USP6NL: variants seen among roughly 807,000 people sequenced by gnomAD.
USP6NL encodes USP6 N-terminal like.
USP6NL carries 26 observed loss-of-function variants against 61.9 expected under a neutral mutation model. That is an observed-to-expected ratio of 0.42 (90% CI 0.31 to 0.58). USP6NL has a LOEUF of 0.58. Ranked by LOEUF, USP6NL falls within the 20% of genes least tolerant of loss-of-function variation. The pLI, the probability that USP6NL is intolerant of heterozygous loss-of-function variation, is 0.16. For synonymous variants in USP6NL, 432 were observed against 390.1 expected (o/e 1.11, Z -1.27); for missense variants, 1,114 against 1,034.3 (o/e 1.08, Z -1.06).
intron 2 of USP6NL, among the ~76,000 whole-genome samples, chr10:11,547,730 C>T (rs763556799): frequency 6.6e-6 from 1 of 151,882 alleles, no homozygotes; most frequent in Non-Finnish European, 1.5e-5. Context: ...TTAGTAGAGA[C>T]GGGGTGTCAC....
intron 14 of USP6NL, among the ~76,000 whole-genome samples, chr10:11,464,670 C>A (rs1832370090): frequency 6.6e-6 from 1 of 152,194 alleles, no homozygotes; most frequent in African/African-American, 2.4e-5. Flanking sequence ...TGTGAAAGAG[C>A]AAGCAGCGCA....
In USP6NL at chr10:11,596,426, CCTGA is replaced by C. The variant is rs538289916; in HGVS notation, c.4+1201_4+1204del. 1.3e-3 allele frequency among the ~76,000 whole-genome samples: 195 copies of C among 152,076 alleles called. No individual in the cohort carries two copies. Among genetic ancestry groups the C allele is most frequent in the African/African-American group, 4.2e-3 (174 of 41,476 alleles). Reference sequence around the variant, plus strand: ...CACAAGGTCAGGAGATCGAGACCATCCTGACTAACACGGTGAAACCCCGTCTCTA... The same window carrying C: ...CACAAGGTCAGGAGATCGAGACCATCCTAACACGGTGAAACCCCGTCTCTA... On this transcript the variant is annotated intron_variant, in intron 2 of 14. Transcript: ENST00000609104. The surrounding 1 kb of genome is among the most constrained non-coding windows in gnomAD (Gnocchi z 4.1).
At chr10:11,573,202 C>G (rs1460205779) in intron 2 of USP6NL, among the ~76,000 whole-genome samples, 1 of 152,028 alleles carries the variant, frequency 6.6e-6, no homozygotes, top group Non-Finnish European at 1.5e-5. Context: ...TATGTTCTAC[C>G]ACAGGCAGAA....
At chr10:11,479,384 A>G (rs1478923951) in intron 14 of USP6NL, among the ~76,000 whole-genome samples, 2 of 152,208 alleles carry the variant, frequency 1.3e-5, no homozygotes, top group Non-Finnish European at 2.9e-5. Flanking sequence ...AAAGATACTC[A>G]AAGAACTACC....
chr10:11,529,864 C>T (rs1307816655), intron 2 of USP6NL, among the ~76,000 whole-genome samples: 1 of 151,936 alleles, frequency 6.6e-6, no homozygotes, highest in African/African-American at 2.4e-5. Flanking sequence ...CTCCTGTAAT[C>T]CCATGGCAGG....
chr10:11,466,237 G>A (rs1832447013), intron 14 of USP6NL, among the ~76,000 whole-genome samples: 1 of 152,152 alleles, frequency 6.6e-6, no homozygotes, highest in African/African-American at 2.4e-5. Flanking sequence ...TTTAAGTGTG[G>A]TAACCCAGAA....
chr10:11,501,648 G>T lies in USP6NL; in HGVS notation c.277-440C>A, dbSNP rs539550226. On this transcript the variant is annotated intron_variant, in intron 6 of 14. Coordinates refer to ENST00000609104, the MANE Select transcript of USP6NL (RefSeq NM_014688.5). Reference sequence around the variant, plus strand: ...GCCTTGTCCCCAAAATATCCTCATGGATTGTAGAGTGCTGACTCCTAATCT... The same window carrying T: ...GCCTTGTCCCCAAAATATCCTCATGTATTGTAGAGTGCTGACTCCTAATCT... 9.9e-4 allele frequency among the ~76,000 whole-genome samples: 151 copies of T among 152,230 alleles called. 2 individuals are homozygous for T. The highest frequency in any genetic ancestry group is 3.4e-3 in the African/African-American group (142 of 41,550).
intron 1 of USP6NL, among the ~76,000 whole-genome samples, chr10:11,605,820 A>C (rs868241687): frequency 1.8e-4 from 27 of 152,348 alleles, no homozygotes; most frequent in African/African-American, 6.3e-4. Context: ...AATATTCAAA[A>C]CAAAAAAGAT....
In USP6NL at chr10:11,461,033, AC is replaced by A. The variant is rs1489350330; in HGVS notation, c.*1407del. ...ACGTTACTTCCATTTTAAAAGACAT[AC>A]TTTTGTACCTTGAAAGTTTAAAGCC... On this transcript the variant is annotated 3_prime_UTR_variant, in exon 15 of 15. Transcript: ENST00000609104. The A allele has an allele frequency of 6.6e-6, 1 of 152,324 alleles. No individual in the cohort carries two copies. Among genetic ancestry groups the A allele is most frequent in the East Asian group, 1.9e-4 (1 of 5,202 alleles). The allele number at this position is 152,324 out of a possible 1,614,324, so 9.4% of individuals were successfully genotyped here. A position where few individuals can be genotyped will look rare whatever the true frequency, so the allele number is the denominator to read the frequency against.
At position 11,476,420 on chromosome 10, in the gene USP6NL, A is replaced by C. The variant is rs945294110; in HGVS notation, c.1078+5350T>G. Among the ~76,000 whole-genome samples the C allele has an allele frequency of 1.3e-5, 2 of 152,214 alleles. No homozygotes were observed. Among genetic ancestry groups the C allele is most frequent in the African/African-American group, 4.8e-5 (2 of 41,450 alleles). ...GCTGGGCAATGGGTACCTGGGAGGAAGTCATTATACATTTCCTTACTTCTG... is the reference window on the plus strand; with the variant it reads ...GCTGGGCAATGGGTACCTGGGAGGACGTCATTATACATTTCCTTACTTCTG... On this transcript the variant is annotated intron_variant, in intron 14 of 14. Transcript: ENST00000609104. The surrounding 1 kb of genome is among the most constrained non-coding windows in gnomAD (Gnocchi z 4.3).
In USP6NL at chr10:11,485,331, G is replaced by C; in HGVS notation, c.760-97C>G. The C allele has an allele frequency of 1.1e-6, 1 of 928,792 alleles. No homozygotes were observed. Among genetic ancestry groups the C allele is most frequent in the Non-Finnish European group, 1.6e-6 (1 of 632,490 alleles). 57.5% of individuals were successfully genotyped at this position (928,792 alleles called of 1,614,324 possible). A position where few individuals can be genotyped will look rare whatever the true frequency, so the allele number is the denominator to read the frequency against. The stretch of plus-strand genomic sequence containing the variant: ...AAGGCTGTTGGATGCAGCTATCAAA[G>C]CTAAACACATTTACTTCTCAAAATC... On this transcript the variant is annotated intron_variant, in intron 11 of 14. Transcript: ENST00000609104. The surrounding 1 kb of genome is among the most constrained non-coding windows in gnomAD (Gnocchi z 4.8).
At chr10:11,578,295 T>C (rs576379641) in intron 2 of USP6NL, among the ~76,000 whole-genome samples, 18 of 152,312 alleles carry the variant, frequency 1.2e-4, no homozygotes, top group Admixed American at 3.3e-4. Context: ...AACAATTCAT[T>C]TCCTCCTTCC....
intron 13 of USP6NL, among the ~76,000 whole-genome samples, chr10:11,484,069 A>G (rs144001071): frequency 6.6e-6 from 1 of 152,338 alleles, no homozygotes; most frequent in Admixed American, 6.5e-5. Context: ...GACCCTGTGC[A>G]CTCAATTAGT....
chr10:11,467,495 C>T (rs964500989), intron 14 of USP6NL, among the ~76,000 whole-genome samples: 3 of 152,112 alleles, frequency 2.0e-5, no homozygotes, highest in Admixed American at 6.5e-5. Flanking sequence ...ATGTTCAAAA[C>T]TGCATTCTTT....
chr10:11,480,161 ACTACTG>A (rs1341051190), intron 14 of USP6NL, among the ~76,000 whole-genome samples: 11 of 152,122 alleles, frequency 7.2e-5, no homozygotes, highest in African/African-American at 2.2e-4. Context: ...GATCTTACAG[ACTACTG>A]CTACTAGGTT....
intron 6 of USP6NL, among the ~76,000 whole-genome samples, chr10:11,505,045 T>C (rs1208083319): frequency 1.3e-5 from 2 of 152,190 alleles, no homozygotes; most frequent in African/African-American, 4.8e-5. Flanking sequence ...GCGCCATGCA[T>C]CTGCTGTGAT....
intron 8 of USP6NL, among the ~76,000 whole-genome samples, chr10:11,492,393 T>A (rs1012890517): frequency 3.9e-5 from 6 of 152,222 alleles, no homozygotes; most frequent in African/African-American, 1.4e-4. Context: ...TAACTTTAAG[T>A]AGGAGAGATT....
At position 11,585,179 on chromosome 10, in the gene USP6NL, G is replaced by A. The variant is rs1837920315; in HGVS notation, c.4+12452C>T. ...TAACAAGGAAATAGCACCTCACTAG[G>A]ATGGCTACTACCAACGAAACAGAAA... On this transcript the variant is annotated intron_variant, in intron 2 of 14. Coordinates refer to ENST00000609104, the MANE Select transcript of USP6NL (RefSeq NM_014688.5). This position sits in a 1 kb window ranked among gnomAD's most constrained non-coding sequence, Gnocchi z 4.5. Among the ~76,000 whole-genome samples the A allele has an allele frequency of 6.6e-6, 1 of 152,146 alleles. No individual in the cohort carries two copies. Among genetic ancestry groups the A allele is most frequent in the Non-Finnish European group, 1.5e-5 (1 of 68,034 alleles).
intron 2 of USP6NL, among the ~76,000 whole-genome samples, chr10:11,536,498 T>C (rs1169685775): frequency 6.6e-6 from 1 of 152,210 alleles, no homozygotes; most frequent in Non-Finnish European, 1.5e-5. Context: ...GTTTAGACAA[T>C]CAATAGCTTA....
Sources: gnomAD v4.1 joint callset for allele counts (sites outside exome capture counted in the v4.1 genomes callset) on GRCh38, gnomAD v4.1.1 for gene constraint, Gnocchi (gnomAD v3.1) non-coding constraint, MANE v1.5 for transcripts, NCBI Gene and HGNC (gene_info 2026-07-23, HGNC 2026-07-21) for gene names.